Variants in BCLAF3 observed in about 807,000 individuals in gnomAD.
BCLAF3 encodes the protein BCLAF1 and THRAP3 family member 3.
In BCLAF3, 24 loss-of-function variants were observed where a neutral mutation model predicts 51.2. The ratio of observed to expected loss-of-function variants is 0.47; its 90% CI spans 0.34 to 0.66. BCLAF3 has a LOEUF of 0.66. BCLAF3 is among the 30% of genes least tolerant of loss of function. The pLI, the probability that BCLAF3 is intolerant of heterozygous loss-of-function variation, is 0.01. For synonymous variants in BCLAF3, 152 were observed against 176.6 expected, an observed-to-expected ratio of 0.86 and a Z score of 1.10; for missense variants, 465 against 525.1, an observed-to-expected ratio of 0.89 and a Z score of 1.12.
chrX:19,969,867 A>G (rs1168275623), intron 2 of BCLAF3, among the ~76,000 whole-genome samples: 2 of 112,316 alleles, frequency 1.8e-5, no homozygotes, highest in Non-Finnish European at 3.8e-5. Context: ...GAAAGAGGAA[A>G]CTCCCTATTT....
chrX:19,973,459 G>C (rs1176544940), intron 1 of BCLAF3, among the ~76,000 whole-genome samples: 3 of 111,505 alleles, frequency 2.7e-5, no homozygotes, highest in African/African-American at 9.8e-5. Context: ...ACAAATGTAA[G>C]ATAGATACAT....
rs2071632171 is a variant in BCLAF3 at position 19,955,552 on chromosome X, T to C, written c.1289A>G (p.Tyr430Cys). 2 of 1,185,778 alleles carry C rather than the reference T, an allele frequency of 1.7e-6. No homozygotes were observed. Among genetic ancestry groups the C allele is most frequent in the Non-Finnish European group, 2.3e-6 (2 of 886,563 alleles). ...TVDTFRVASS[Y>C]STERQMSHDL... ...ATGTGACATCTGTCTCTCTGTGGAATAGCTAGAAGCAACCCTAGAATAATT... is the reference window on the plus strand; with the variant it reads ...ATGTGACATCTGTCTCTCTGTGGAACAGCTAGAAGCAACCCTAGAATAATT... Residue 430 changes from tyrosine (Y) to cysteine (C), a missense_variant, in exon 5 of 12, where the codon TAT (tyrosine) becomes TGT (cysteine). Tyr to Cys is a radical substitution (Grantham distance 194, BLOSUM62 -2). Transcript: ENST00000379682.
At chrX:19,937,121 T>G (rs1307443648) in intron 9 of BCLAF3, among the ~76,000 whole-genome samples, 4 of 111,474 alleles carry the variant, frequency 3.6e-5, no homozygotes, top group Admixed American at 9.6e-5. Context: ...GCAATCCTCC[T>G]GCCTTGGCCT....
At chrX:19,980,076 A>C (rs2072561887) in intron 1 of BCLAF3, among the ~76,000 whole-genome samples, 1 of 112,292 alleles carries the variant, frequency 8.9e-6, no homozygotes, top group Non-Finnish European at 1.9e-5. Context: ...TAAAACTATA[A>C]TTTGCTCAGA....
chrX:19,958,389 C>T (rs1031017899), intron 4 of BCLAF3, among the ~76,000 whole-genome samples: 4 of 111,967 alleles, frequency 3.6e-5, no homozygotes, highest in African/African-American at 9.7e-5. Flanking sequence ...TATCAAAATC[C>T]GTACGACACA....
chrX:19,951,298 A>G (rs1040024514), intron 7 of BCLAF3, among the ~76,000 whole-genome samples: 1 of 111,719 alleles, frequency 9.0e-6, no homozygotes, highest in Admixed American at 9.5e-5. Flanking sequence ...AAAAGTGCTT[A>G]TTGAAAAAAG....
chrX:19,931,698 T>C lies in BCLAF3; in HGVS notation c.1951-1758A>G, dbSNP rs774750925. On this transcript the variant is annotated intron_variant, in intron 10 of 11. Transcript: ENST00000379682. ...GTGACCCAGCGTCCTCTCTCAGGCA[T>C]AGTAAACTATAAAACTGTTCTGAAC... Among the ~76,000 whole-genome samples the C allele has an allele frequency of 3.9e-4, 44 of 112,259 alleles. 1 individual carries two copies. The highest frequency in any genetic ancestry group is 5.3e-4 in the Non-Finnish European group (28 of 53,279).
At chrX:19,939,644 C>T (rs777861472) in intron 8 of BCLAF3, among the ~76,000 whole-genome samples, 133 of 111,675 alleles carry the variant, frequency 1.2e-3, no homozygotes, top group Non-Finnish European at 2.0e-3. Flanking sequence ...TTACAATAGC[C>T]AAAGGGTGAA....
intron 1 of BCLAF3, among the ~76,000 whole-genome samples, chrX:19,981,004 C>T (rs1422494022): frequency 1.9e-5 from 2 of 107,941 alleles, no homozygotes; most frequent in African/African-American, 3.4e-5. Context: ...AACTAGAAAA[C>T]GGGAGAAGAA....
chrX:19,949,018 AT>A (rs1254078129), intron 8 of BCLAF3, among the ~76,000 whole-genome samples: 1 of 111,006 alleles, frequency 9.0e-6, no homozygotes, highest in Non-Finnish European at 1.9e-5. Context: ...TTTTTGCAGG[AT>A]GAATGTTAAG....
At chrX:19,989,540 T>C (rs1043704637) in intron 1 of BCLAF3, among the ~76,000 whole-genome samples, 7 of 112,298 alleles carry the variant, frequency 6.2e-5, no homozygotes, top group Non-Finnish European at 1.3e-4. Context: ...CAATGTATTT[T>C]AATAGGGAAG....
intron 1 of BCLAF3, among the ~76,000 whole-genome samples, chrX:19,979,756 GA>G (rs200278761): frequency 4.7e-5 from 5 of 106,886 alleles, no homozygotes; most frequent in Non-Finnish European, 7.8e-5. Flanking sequence ...CTGAACTCAA[GA>G]AAAAAAAATG....
chrX:19,933,425 G>A (rs1261740727), intron 10 of BCLAF3, among the ~76,000 whole-genome samples: 2 of 112,080 alleles, frequency 1.8e-5, no homozygotes, highest in Non-Finnish European at 3.8e-5. Context: ...GAAAACAAAT[G>A]CGCAAATGAT....
At chrX:19,974,685 T>C (rs113238952) in intron 1 of BCLAF3, among the ~76,000 whole-genome samples, 2 of 110,298 alleles carry the variant, frequency 1.8e-5, no homozygotes, top group African/African-American at 6.6e-5. Context: ...ATCGAGACCA[T>C]CCTGGCTAAA....
Position 19,966,566 on chromosome X carries a change from T to A in BCLAF3, c.125A>T (p.Asp42Val). The A allele has an allele frequency of 8.3e-7, 1 of 1,211,465 alleles. No individual in the cohort carries two copies. The highest frequency in any genetic ancestry group is 1.1e-6 in the Non-Finnish European group (1 of 895,402). Reference sequence around the variant, plus strand: ...TCTCCACGCGACGGGTCTTTTTGGATCCTTCCTATATTCACAGCCATAATG... The same window carrying A: ...TCTCCACGCGACGGGTCTTTTTGGAACCTTCCTATATTCACAGCCATAATG... ...HGHYGCEYRK[D>V]PKRPVAWRMD... Residue 42 changes from aspartate to valine, a missense_variant, in exon 3 of 12, where the codon GAT becomes GTT. Coordinates refer to ENST00000379682, the MANE Select transcript of BCLAF3 (RefSeq NM_001367774.2).
chrX:19,949,656 C>T (rs911817925), intron 8 of BCLAF3, among the ~76,000 whole-genome samples: 1 of 112,155 alleles, frequency 8.9e-6, no homozygotes, highest in Non-Finnish European at 1.9e-5. Flanking sequence ...CTCAACACAT[C>T]GTTTCACTAT....
intron 1 of BCLAF3, among the ~76,000 whole-genome samples, chrX:19,979,225 G>A (rs2072533031): frequency 9.1e-6 from 1 of 110,342 alleles, no homozygotes. Flanking sequence ...TTGTGCCACT[G>A]CACTCCAGCC....
At chrX:19,932,725 T>G (rs2070615188) in intron 10 of BCLAF3, among the ~76,000 whole-genome samples, 1 of 109,751 alleles carries the variant, frequency 9.1e-6, no homozygotes, top group Non-Finnish European at 1.9e-5. Flanking sequence ...AGAGACAGGG[T>G]TTCACTATGT....
At position 19,948,664 on chromosome X, in the gene BCLAF3, G is replaced by A. The variant is rs772319760; in HGVS notation, c.1745+2089C>T. Among the ~76,000 whole-genome samples, 9 of 109,477 alleles carry A rather than the reference G, an allele frequency of 8.2e-5. 1 individual carries two copies. In the South Asian group the frequency reaches 3.2e-3, roughly 39 times the overall value. ...CAGGAGCCTGTGGTCCCAGCTGCTC[G>A]GGAGGCCGAGGTGGGAGAATCACCT... On this transcript the variant is annotated intron_variant, in intron 8 of 11. Transcript: ENST00000379682.
Sources: allele counts gnomAD v4.1 joint callset (sites outside exome capture counted in the v4.1 genomes callset), GRCh38; gene constraint gnomAD v4.1.1; transcripts MANE v1.5; gene names NCBI Gene and HGNC (gene_info 2026-07-23, HGNC 2026-07-21).